CHKA: variants seen among roughly 807,000 people sequenced by gnomAD.
The protein encoded by CHKA is CHETK-alpha.
In CHKA, 34 loss-of-function variants were observed where a neutral mutation model predicts 60.1. The ratio of observed to expected loss-of-function variants is 0.57; its 90% CI spans 0.43 to 0.75. The LOEUF is 0.75. Ranked by LOEUF, CHKA falls within the 30% of genes least tolerant of loss-of-function variation. CHKA has a pLI of 0.00. For missense variants in CHKA, 563 were observed against 561.3 expected (o/e 1.00, Z -0.03); for synonymous variants, 217 against 223.1 (o/e 0.97, Z 0.24).
In CHKA at chr11:68,053,188, C is replaced by A; in HGVS notation, c.*800G>T. On this transcript the variant is annotated 3_prime_UTR_variant, in exon 12 of 12. Transcript: ENST00000265689. ...GGCAGAGCAGAGGGCAGGAGAGGCC[C>A]AAAGAGCTAGGTCAAGCAGCTGGCT... is the stretch of plus-strand genomic sequence containing the variant. 6.4e-6 allele frequency: 1 copy of A among 157,406 alleles called. No individual in the cohort carries two copies. Among genetic ancestry groups the A allele is most frequent in the Non-Finnish European group, 1.4e-5 (1 of 70,746 alleles). The allele number at this position is 157,406 out of a possible 1,614,324, so 9.8% of individuals were successfully genotyped here. A position where few individuals can be genotyped will look rare whatever the true frequency, so the allele number is the denominator to read the frequency against.
intron 10 of CHKA, 65 bp from the exon 11 acceptor site, chr11:68,062,099 G>T (rs1856271110): frequency 9.0e-7 from 1 of 1,109,486 alleles, no homozygotes; most frequent in Non-Finnish European, 1.3e-6. Context: ...CTGATGAAAT[G>T]ATTTCATGCC....
At chr11:68,097,246 G>A (rs942508744) in intron 1 of CHKA, 116 bp from the exon 2 acceptor site, 12 of 620,172 alleles carry the variant, frequency 1.9e-5, no homozygotes, top group South Asian at 7.8e-5. Flanking sequence ...ATCTTATCTC[G>A]ATTTATTCTC....
chr11:68,070,388 C>T, intron 5 of CHKA, 95 bp from the exon 6 acceptor site: 2 of 938,202 alleles, frequency 2.1e-6, no homozygotes, highest in Non-Finnish European at 3.4e-6. Context: ...ACATTCAATC[C>T]CAGCGCAGTC....
rs143036274 is a variant in CHKA at position 68,053,670 on chromosome 11, G to A, written c.*318C>T. 6 of 311,964 alleles carry A rather than the reference G, an allele frequency of 1.9e-5. No homozygotes were observed. The East Asian group carries it at 3.3e-4, about 17-fold the overall frequency. The allele number at this position is 311,964 out of a possible 1,614,324, so 19.3% of individuals were successfully genotyped here. A position where few individuals can be genotyped will look rare whatever the true frequency, so the allele number is the denominator to read the frequency against. ...GCAAGTAACACTGCTTACTCTTGCT[G>A]TTTGCCTCATCTGACTGGAAACCTT... On this transcript the variant is annotated 3_prime_UTR_variant, in exon 12 of 12. Transcript: ENST00000265689.
chr11:68,053,947 C>G lies in CHKA; in HGVS notation c.*41G>C. 1.3e-6 allele frequency: 2 copies of G among 1,588,500 alleles called. No homozygotes were observed. The highest frequency in any genetic ancestry group is 3.3e-4 in the Middle Eastern group (2 of 6,026). On this transcript the variant is annotated 3_prime_UTR_variant, in exon 12 of 12. Coordinates refer to ENST00000265689, the MANE Select transcript of CHKA (RefSeq NM_001277.3). ...AGGGGACCCCGCTCTGCTGCCTCCC[C>G]ATGCAGTCCAGTGATGAGGTGGATG... is the stretch of plus-strand genomic sequence containing the variant.
chr11:68,069,924 C>A (rs971575090), intron 6 of CHKA, among the ~76,000 whole-genome samples: 2 of 152,176 alleles, frequency 1.3e-5, no homozygotes, highest in Admixed American at 1.3e-4. Context: ...ACTGCCCTGG[C>A]CACCAAGCCA....
At chr11:68,061,794 C>A in intron 11 of CHKA, 159 bp downstream of exon 11, 1 of 675,324 alleles carries the variant, frequency 1.5e-6, no homozygotes. Flanking sequence ...GGCTGAGCCA[C>A]ACTGTCCTGA....
intron 2 of CHKA, among the ~76,000 whole-genome samples, chr11:68,089,358 G>C (rs1318725833): frequency 1.3e-5 from 2 of 152,162 alleles, no homozygotes; most frequent in African/African-American, 4.8e-5. Context: ...GCACTGCAGA[G>C]CTCCCTAAGG....
intron 10 of CHKA, among the ~76,000 whole-genome samples, 173 bp downstream of exon 10, chr11:68,064,352 G>A (rs1437384511): frequency 6.6e-6 from 1 of 151,710 alleles, no homozygotes; most frequent in African/African-American, 2.4e-5. Context: ...AGGTTGCAGT[G>A]AGCCGAGATT....
Position 68,121,222 on chromosome 11 carries a change from G to C in CHKA, c.-45C>G. ...AGGCGCGGGCGGCCGCAGCGCGAGA[G>C]GACTAGGCTCAGAGTCCGGCCGGGC... is the stretch of plus-strand genomic sequence containing the variant. On this transcript the variant is annotated 5_prime_UTR_variant, in exon 1 of 12. Coordinates refer to ENST00000265689, the MANE Select transcript of CHKA (RefSeq NM_001277.3). 1 of 1,115,558 alleles carries C rather than the reference G, an allele frequency of 9.0e-7. No individual in the cohort carries two copies. Among genetic ancestry groups the C allele is most frequent in the Non-Finnish European group, 1.1e-6 (1 of 913,492 alleles). 69.1% of individuals were successfully genotyped at this position (1,115,558 alleles called of 1,614,324 possible).
At chr11:68,115,165 G>A (rs181470789) in intron 1 of CHKA, among the ~76,000 whole-genome samples, 3 of 152,320 alleles carry the variant, frequency 2.0e-5, no homozygotes, top group African/African-American at 7.2e-5. Context: ...AAGCTAATGT[G>A]TAAGTGTTCT....
intron 7 of CHKA, among the ~76,000 whole-genome samples, chr11:68,067,105 C>G (rs889620698): frequency 6.6e-6 from 1 of 152,212 alleles, no homozygotes; most frequent in African/African-American, 2.4e-5. Context: ...GTTGGTCAGC[C>G]ATCAGCCTGG....
At chr11:68,064,325 T>C (rs912788492) in intron 10 of CHKA, among the ~76,000 whole-genome samples, 200 bp downstream of exon 10, 1 of 152,060 alleles carries the variant, frequency 6.6e-6, no homozygotes, top group Non-Finnish European at 1.5e-5. Flanking sequence ...GGAGAATTGC[T>C]TGAACCCGGG....
At chr11:68,071,740 C>T (rs1856625859) in intron 4 of CHKA, among the ~76,000 whole-genome samples, 1 of 152,196 alleles carries the variant, frequency 6.6e-6, no homozygotes, top group South Asian at 2.1e-4. Flanking sequence ...TGTGTGTTCC[C>T]ATTTCTATCA....
chr11:68,102,563 G>A (rs566684763), intron 1 of CHKA, among the ~76,000 whole-genome samples: 6 of 152,196 alleles, frequency 3.9e-5, no homozygotes, highest in South Asian at 2.1e-4. Context: ...AAAATGGATC[G>A]AAAACTTAAA....
rs192844519 is a variant in CHKA, at chr11:68,113,940, G to A, written c.350+6888C>T. ...CAGGAAGCGGAGGTTGCAGCAAGCCGAGATCGCGCCATTGCACTCCAGCCT... is the reference window on the plus strand; with the variant it reads ...CAGGAAGCGGAGGTTGCAGCAAGCCAAGATCGCGCCATTGCACTCCAGCCT... On this transcript the variant is annotated intron_variant, in intron 1 of 11. Transcript: ENST00000265689. 7.1e-3 allele frequency among the ~76,000 whole-genome samples: 1,067 copies of A among 150,790 alleles called. 5 individuals carry two copies. Among genetic ancestry groups the A allele is most frequent in the Non-Finnish European group, 9.6e-3 (650 of 67,710 alleles).
intron 2 of CHKA, among the ~76,000 whole-genome samples, chr11:68,083,450 G>C (rs1203802369): frequency 6.6e-6 from 1 of 152,080 alleles, no homozygotes; most frequent in Non-Finnish European, 1.5e-5. Context: ...ATACTCTTCT[G>C]AAATTGTTGT....
chr11:68,074,625 A>G, intron 4 of CHKA, 92 bp downstream of exon 4: 2 of 1,080,606 alleles, frequency 1.9e-6, no homozygotes, highest in Non-Finnish European at 2.9e-6. Flanking sequence ...AACAGTGAAA[A>G]CACAGCATTG....
At chr11:68,118,262 C>T (rs1055569231) in intron 1 of CHKA, among the ~76,000 whole-genome samples, 5 of 151,890 alleles carry the variant, frequency 3.3e-5, no homozygotes, top group South Asian at 2.1e-4. Flanking sequence ...GGCAACATGG[C>T]GAAACCCCAT....
Sources: gnomAD v4.1 joint callset for allele counts (sites outside exome capture counted in the v4.1 genomes callset) on GRCh38, gnomAD v4.1.1 for gene constraint, MANE v1.5 for transcripts, NCBI Gene and HGNC (gene_info 2026-07-23, HGNC 2026-07-21) for gene names.